The following TASOR2 variants were observed in gnomAD, a reference collection of about 807,000 sequenced individuals.
TASOR2 encodes the protein transcription activation suppressor family member 2, also known as protein TASOR 2.
Under a neutral mutation model 199.5 loss-of-function variants are expected in TASOR2, and 84 were observed. That is an observed-to-expected ratio of 0.42 (90% CI 0.35 to 0.50). The LOEUF (loss-of-function observed/expected upper bound fraction) is 0.50, where lower values mean the gene tolerates loss of function less well. TASOR2 is among the 20% of genes least tolerant of loss of function. The pLI is 0.02. For synonymous variants in TASOR2, 1,103 were observed against 1,046.6 expected, an observed-to-expected ratio of 1.05 and a Z score of -1.04; for missense variants, 2,796 against 2,835.9, an observed-to-expected ratio of 0.99 and a Z score of 0.32.
chr10:5,760,329 C>T (rs1839617671), intron 18 of TASOR2, among the ~76,000 whole-genome samples: 1 of 152,202 alleles, frequency 6.6e-6, no homozygotes, highest in East Asian at 1.9e-4. Context: ...CCCGTACTCA[C>T]TGCTGTTGGC....
rs1399052738 is a variant in TASOR2 at position 5,740,538 on chromosome 10, T to C, written c.2327+41T>C. 1 of 1,578,228 alleles carries C rather than the reference T, an allele frequency of 6.3e-7. No individual in the cohort carries two copies. Among genetic ancestry groups the C allele is most frequent in the Non-Finnish European group, 8.6e-7 (1 of 1,165,022 alleles). On this transcript the variant is annotated intron_variant, in intron 13 of 20. Coordinates refer to ENST00000328090, the Ensembl canonical transcript of TASOR2. The surrounding 1 kb of genome is among the most constrained non-coding windows in gnomAD (Gnocchi z 5.3). The stretch of plus-strand genomic sequence containing the variant: ...ACTTAGTGAAAATGGATGAAACTTT[T>C]CTGTTGAGATGAATGTAGTGAGATG...
At chr10:5,703,855 C>G (rs891197703) in intron 1 of TASOR2, among the ~76,000 whole-genome samples, 2 of 151,978 alleles carry the variant, frequency 1.3e-5, no homozygotes, top group South Asian at 4.1e-4. Context: ...GTGATGTTAC[C>G]TTAAAATGTT....
exon 2 of TASOR2, chr10:5,712,859 T>C: frequency 8.1e-7 from 1 of 1,231,348 alleles, no homozygotes; most frequent in Non-Finnish European, 1.0e-6. Flanking sequence ...AGCAAGTAGT[T>C]ATACTCAGGA....
At chr10:5,739,701 C>A (rs1836118624) in exon 13 of TASOR2, 1 of 1,613,840 alleles carries the variant, frequency 6.2e-7, no homozygotes. Context: ...TAGTGTTCAA[C>A]CAGAAAATAC....
chr10:5,739,892 T>C (rs1428606845), exon 13 of TASOR2: 1 of 1,614,172 alleles, frequency 6.2e-7, no homozygotes, highest in Admixed American at 1.7e-5. Context: ...CTAAAGAAAA[T>C]TCTTTGCGAG....
chr10:5,758,837 A>G (rs1367785142), intron 17 of TASOR2, 50 bp from the exon 19 acceptor site: 4 of 1,430,574 alleles, frequency 2.8e-6, no homozygotes. Flanking sequence ...GCATGAGCCA[A>G]AAGTACCTTA....
At chr10:5,761,627 T>C (rs1588948926) in intron 19 of TASOR2, 156 bp downstream of exon 20, 2 of 636,626 alleles carry the variant, frequency 3.1e-6, no homozygotes, top group South Asian at 3.8e-5. Flanking sequence ...GAAGCCCTTA[T>C]ATAAAATGTA....
chr10:5,731,591 G>T (rs1381218694), intron 11 of TASOR2, among the ~76,000 whole-genome samples: 1 of 152,172 alleles, frequency 6.6e-6, no homozygotes, highest in Non-Finnish European at 1.5e-5. Flanking sequence ...CTGCAGCTTT[G>T]CAGCATCAGT....
chr10:5,735,351 A>T, exon 12 of TASOR2: 1 of 1,614,184 alleles, frequency 6.2e-7, no homozygotes, highest in Non-Finnish European at 8.5e-7. Context: ...CAAATTGGAT[A>T]GGAAAAACCA....
At chr10:5,758,423 C>A (rs1839282764) in intron 17 of TASOR2, among the ~76,000 whole-genome samples, 1 of 152,074 alleles carries the variant, frequency 6.6e-6, no homozygotes. Flanking sequence ...TGCCTGTAGT[C>A]CCAGCTAAGG....
chr10:5,727,112 C>T lies in TASOR2; in HGVS notation c.476C>T (p.Pro159Leu), dbSNP rs758570256. The change falls in exon 10 of 21, where the codon CCC becomes CTC. Residue 159 changes from proline to leucine, a missense_variant. By Grantham distance (98) the Pro-to-Leu change is moderately conservative. Coordinates refer to ENST00000328090, the Ensembl canonical transcript of TASOR2. ...CATGGGTTACATTTATTTCGTTCAC[C>T]CCTGTCAACAGGTGAGGATACAATG... 5.0e-5 allele frequency: 81 copies of T among 1,613,854 alleles called. No individual in the cohort carries two copies. The highest frequency in any genetic ancestry group is 6.7e-5 in the Non-Finnish European group (79 of 1,179,984).
At chr10:5,762,718 T>A in intron 20 of TASOR2, 72 bp downstream of exon 21, 1 of 788,894 alleles carries the variant, frequency 1.3e-6, no homozygotes, top group Non-Finnish European at 2.1e-6. Flanking sequence ...CATTTGTGTC[T>A]AAGGGAAACA....
chr10:5,755,310 C>T (rs915601803), intron 15 of TASOR2, among the ~76,000 whole-genome samples: 8 of 152,014 alleles, frequency 5.3e-5, no homozygotes, highest in Non-Finnish European at 5.9e-5. Context: ...CAGTGGCTCT[C>T]GCCTGTAATC....
rs773782822 is a variant in TASOR2, at chr10:5,761,518, C to T, written c.7174+47C>T. On this transcript the variant is annotated intron_variant, in intron 19 of 20. Coordinates refer to ENST00000328090, the Ensembl canonical transcript of TASOR2. Reference sequence around the variant, plus strand: ...CTCAGTTAATGCCAAAATTGGTCAGCTCTAGGAATGTCAAAGTTAGATACC... The same window carrying T: ...CTCAGTTAATGCCAAAATTGGTCAGTTCTAGGAATGTCAAAGTTAGATACC... 6 of 1,546,076 alleles carry T rather than the reference C, an allele frequency of 3.9e-6. No homozygotes were observed. In the South Asian group the frequency reaches 5.8e-5, roughly 15 times the overall value.
Position 5,685,650 on chromosome 10 carries a change from T to G in TASOR2, c.-288+475T>G, listed in dbSNP as rs908998512. On this transcript the variant is annotated intron_variant, in intron 1 of 20. Transcript: ENST00000328090. The surrounding 1 kb of genome is among the most constrained non-coding windows in gnomAD (Gnocchi z 5.4). ...AGGTCTCTCCGAAGGGAGGGTCATT[T>G]CAGCAGCAAGCGCAAGCCGCGTTGG... Among the ~76,000 whole-genome samples the G allele has an allele frequency of 3.3e-5, 5 of 152,308 alleles. No individual in the cohort carries two copies. The East Asian group carries it at 9.7e-4, about 29-fold the overall frequency.
chr10:5,709,143 A>C (rs1016451476), intron 1 of TASOR2, among the ~76,000 whole-genome samples: 1 of 152,154 alleles, frequency 6.6e-6, no homozygotes, highest in Non-Finnish European at 1.5e-5. Context: ...TATATATACA[A>C]CTAATTTGGG....
rs754938692 is a variant in TASOR2, at chr10:5,748,477, C to T, written c.5056C>T (p.Pro1686Ser). 2 of 1,614,094 alleles carry T rather than the reference C, an allele frequency of 1.2e-6. No individual in the cohort carries two copies. The highest frequency in any genetic ancestry group is 2.2e-5 in the South Asian group (2 of 91,090). ...GCCAGTGTTTCAAGCACAGGAAATACCAGCAGGCAGAATGGCCAGTTTGCT... is the reference window on the plus strand; with the variant it reads ...GCCAGTGTTTCAAGCACAGGAAATATCAGCAGGCAGAATGGCCAGTTTGCT... The change falls in exon 15 of 21, where the codon CCA (proline) becomes TCA (serine). Residue 1686 changes from proline to serine, a missense_variant. By Grantham distance (74) the Pro-to-Ser change is moderately conservative. Around this residue, in one of 3 missense-constraint regions of TASOR2, gnomAD observed 1,941 missense variants for 1,924.9 expected, o/e 1.01. Transcript: ENST00000328090. The surrounding 1 kb of genome is among the most constrained non-coding windows in gnomAD (Gnocchi z 5.1).
chr10:5,692,608 C>T (rs933219433), intron 1 of TASOR2, among the ~76,000 whole-genome samples: 3 of 152,052 alleles, frequency 2.0e-5, no homozygotes, highest in African/African-American at 4.8e-5. Flanking sequence ...CTACAAGCTC[C>T]GTTGGGTCTA....
At position 5,742,638 on chromosome 10, in the gene TASOR2, C is replaced by A; in HGVS notation, c.2757+112C>A. 1 of 1,009,210 alleles carries A rather than the reference C, an allele frequency of 9.9e-7. No individual in the cohort carries two copies. The highest frequency in any genetic ancestry group is 1.4e-6 in the Non-Finnish European group (1 of 694,058). The allele number at this position is 1,009,210 out of a possible 1,614,324, so 62.5% of individuals were successfully genotyped here. ...TTTTTAAATTTTAGGACAGTGAATT[C>A]TCAAGGTATGTAAAGAACTATTACA... is the stretch of plus-strand genomic sequence containing the variant. On this transcript the variant is annotated intron_variant, in intron 14 of 20. Coordinates refer to ENST00000328090, the Ensembl canonical transcript of TASOR2. The surrounding 1 kb of genome is among the most constrained non-coding windows in gnomAD (Gnocchi z 4.2).
Sources: allele counts gnomAD v4.1 joint callset (sites outside exome capture counted in the v4.1 genomes callset), GRCh38; gene constraint gnomAD v4.1.1; regional missense constraint gnomAD v4.1.1; non-coding constraint Gnocchi (gnomAD v3.1); transcripts MANE v1.5; gene names NCBI Gene and HGNC (gene_info 2026-07-23, HGNC 2026-07-21).